The following FBXL4 variants were observed in gnomAD, a reference collection of about 807,000 sequenced individuals.
FBXL4 encodes F-box/LRR-repeat protein 4.
In FBXL4, 40 loss-of-function variants were observed where a neutral mutation model predicts 58.9. The ratio of observed to expected loss-of-function variants is 0.68; its 90% CI spans 0.53 to 0.88. The LOEUF (loss-of-function observed/expected upper bound fraction) is 0.88, where lower values mean the gene tolerates loss of function less well. Ranked by LOEUF, FBXL4 falls within the 40% of genes least tolerant of loss-of-function variation. The pLI is 0.00. For synonymous variants in FBXL4, 263 were observed against 265.5 expected, an observed-to-expected ratio of 0.99 and a Z score of 0.09; for missense variants, 676 against 734.4, an observed-to-expected ratio of 0.92 and a Z score of 0.92.
In FBXL4 at chr6:98,927,017, G is replaced by C. The variant is rs1403464084; in HGVS notation, c.-29C>G. 3 of 1,603,094 alleles carry C rather than the reference G, an allele frequency of 1.9e-6. No individual in the cohort carries two copies. Among genetic ancestry groups the C allele is most frequent in the East Asian group, 4.5e-5 (2 of 44,726 alleles). On this transcript the variant is annotated 5_prime_UTR_variant, in exon 4 of 10. Transcript: ENST00000369244. ...GATGTGAATTATGAAGCTTCAAAAG[G>C]TCAGGTGTCCTCAGTAAGATGCATG...
intron 8 of FBXL4, among the ~76,000 whole-genome samples, chr6:98,879,996 C>T (rs2128378571): frequency 6.7e-6 from 1 of 149,696 alleles, no homozygotes; most frequent in East Asian, 1.9e-4. Flanking sequence ...CTTATCTAGT[C>T]CAACAGTCCC....
intron 1 of FBXL4, among the ~76,000 whole-genome samples, chr6:98,945,604 T>C (rs1325584231): frequency 2.0e-5 from 3 of 152,182 alleles, no homozygotes; most frequent in African/African-American, 7.2e-5. Context: ...GTTTTAAGTG[T>C]CCAGTGTAAA....
intron 7 of FBXL4, among the ~76,000 whole-genome samples, chr6:98,885,778 A>T (rs1402210935): frequency 6.6e-6 from 1 of 152,156 alleles, no homozygotes; most frequent in African/African-American, 2.4e-5. Flanking sequence ...CATGTCAGCC[A>T]ATTCCTTATA....
At chr6:98,879,373 T>C (rs1036578529) in intron 8 of FBXL4, among the ~76,000 whole-genome samples, 6 of 152,046 alleles carry the variant, frequency 3.9e-5, no homozygotes, top group African/African-American at 1.5e-4. Flanking sequence ...GGGGATGAAG[T>C]GAGGAGGAAT....
intron 7 of FBXL4, chr6:98,897,176 T>C: frequency 2.0e-6 from 2 of 984,940 alleles, no homozygotes; most frequent in Non-Finnish European, 2.4e-6. Context: ...GGCATTTAAA[T>C]CCTCCTTGCT....
At chr6:98,920,015 A>T (rs188950974) in intron 4 of FBXL4, among the ~76,000 whole-genome samples, 31 of 152,278 alleles carry the variant, frequency 2.0e-4, no homozygotes, top group African/African-American at 7.0e-4. Context: ...TGGGAGGCTT[A>T]AGAAGAACAC....
intron 9 of FBXL4, 93 bp downstream of exon 9, chr6:98,875,322 C>T (rs752341022): frequency 1.6e-6 from 2 of 1,251,150 alleles, no homozygotes; most frequent in Non-Finnish European, 2.3e-6. Context: ...TTATTGTATC[C>T]AAAAATTTTC....
chr6:98,906,041 AG>A (rs1771796977), intron 5 of FBXL4, among the ~76,000 whole-genome samples: 1 of 152,122 alleles, frequency 6.6e-6, no homozygotes, highest in African/African-American at 2.4e-5. Context: ...CTTACAGTCC[AG>A]TGGGGATTGG....
At chr6:98,920,647 T>C (rs1339521091) in intron 4 of FBXL4, among the ~76,000 whole-genome samples, 1 of 152,192 alleles carries the variant, frequency 6.6e-6, no homozygotes, top group Non-Finnish European at 1.5e-5. Flanking sequence ...CCAATAGAGC[T>C]AAAATGTATC....
chr6:98,943,122 T>C (rs1422117947), intron 1 of FBXL4, among the ~76,000 whole-genome samples: 1 of 151,342 alleles, frequency 6.6e-6, no homozygotes, highest in East Asian at 1.9e-4. Flanking sequence ...ATTTCCTGAG[T>C]ATAATATTGT....
intron 5 of FBXL4, among the ~76,000 whole-genome samples, chr6:98,906,460 T>C (rs1205105233): frequency 1.3e-5 from 2 of 152,086 alleles, no homozygotes; most frequent in South Asian, 2.1e-4. Context: ...CTGAGAATGA[T>C]GGTTTCCAGC....
At chr6:98,905,766 A>T in intron 5 of FBXL4, 96 bp from the exon 6 acceptor site, 1 of 1,168,612 alleles carries the variant, frequency 8.6e-7, no homozygotes, top group Non-Finnish European at 1.2e-6. Flanking sequence ...AAAGTGTCAT[A>T]CATTTTATAA....
At position 98,917,734 on chromosome 6, in the gene FBXL4, A is replaced by T; in HGVS notation, c.513-15T>A. On this transcript the variant is annotated splice_polypyrimidine_tract_variant and intron_variant, in intron 4 of 9. Transcript: ENST00000369244. ...GAATCTCCCATCTGCCAAAAAAAGA[A>T]ACTTCCCTATAATACAGTTTAGAAT... 6.4e-7 allele frequency: 1 copy of T among 1,564,980 alleles called. No homozygotes were observed. Among genetic ancestry groups the T allele is most frequent in the East Asian group, 2.2e-5 (1 of 44,704 alleles).
In FBXL4 at chr6:98,937,137, CTG is replaced by C. The variant is rs1487334270; in HGVS notation, c.-308-2260_-308-2259del. On this transcript the variant is annotated intron_variant, in intron 1 of 9. Coordinates refer to ENST00000369244, the MANE Select transcript of FBXL4 (RefSeq NM_001278716.2). ...CCAGCCTGGCCAATAGGGAAAAACC[CTG>C]TCTCTACTAAAAATACAAAAATTAA... Among the ~76,000 whole-genome samples, 3 of 152,060 alleles carry C rather than the reference CTG, an allele frequency of 2.0e-5. No individual in the cohort carries two copies. In the East Asian group the frequency reaches 5.8e-4, roughly 29 times the overall value.
chr6:98,923,060 C>T (rs1258559663), intron 4 of FBXL4, among the ~76,000 whole-genome samples: 1 of 152,122 alleles, frequency 6.6e-6, no homozygotes, highest in African/African-American at 2.4e-5. Flanking sequence ...CTACCTTGGG[C>T]TTCATCTAGG....
intron 6 of FBXL4, among the ~76,000 whole-genome samples, 176 bp downstream of exon 6, chr6:98,905,250 A>T (rs1479521473): frequency 6.6e-6 from 1 of 152,184 alleles, no homozygotes; most frequent in Non-Finnish European, 1.5e-5. Context: ...AGGATAGTAA[A>T]ACACTTATTT....
chr6:98,943,670 A>G (rs1773516986), intron 1 of FBXL4, among the ~76,000 whole-genome samples: 1 of 152,058 alleles, frequency 6.6e-6, no homozygotes, highest in South Asian at 2.1e-4. Flanking sequence ...CAGTTACATG[A>G]ATGTTTGATG....
intron 7 of FBXL4, among the ~76,000 whole-genome samples, chr6:98,891,635 C>T (rs1771230063): frequency 6.7e-6 from 1 of 150,086 alleles, no homozygotes; most frequent in African/African-American, 2.5e-5. Context: ...GCATATAATC[C>T]AAGCACTTGA....
chr6:98,911,405 A>G (rs1204412698), intron 5 of FBXL4, among the ~76,000 whole-genome samples: 1 of 152,148 alleles, frequency 6.6e-6, no homozygotes, highest in African/African-American at 2.4e-5. Flanking sequence ...CCTGACCCCC[A>G]AGCAGCCTAA....
Sources: allele counts gnomAD v4.1 joint callset (sites outside exome capture counted in the v4.1 genomes callset), GRCh38; gene constraint gnomAD v4.1.1; transcripts MANE v1.5; gene names NCBI Gene and HGNC (gene_info 2026-07-23, HGNC 2026-07-21).